RXRA: variants seen among roughly 807,000 people sequenced by gnomAD.
RXRA encodes retinoic acid receptor RXR-alpha.
In RXRA, 5 loss-of-function variants were observed where a neutral mutation model predicts 44.5. The ratio of observed to expected loss-of-function variants is 0.11; its 90% CI spans 0.06 to 0.24. The LOEUF is 0.24. Among genes scored for constraint, RXRA ranks in the 10% least tolerant of loss-of-function variants. RXRA has a pLI of 1.00. For missense variants in RXRA, 412 were observed against 646.5 expected (o/e 0.64, Z 3.93); for synonymous variants, 291 against 271.4 (o/e 1.07, Z -0.71).
intron 1 of RXRA, among the ~76,000 whole-genome samples, chr9:134,390,495 GGCCTGTGGC>G (rs567595391): frequency 1.3e-5 from 2 of 152,190 alleles, no homozygotes; most frequent in Non-Finnish European, 1.5e-5. Context: ...CAGCCTGTGG[GGCCTGTGGC>G]GCCTGTGGCC....
intron 1 of RXRA, among the ~76,000 whole-genome samples, chr9:134,397,926 G>T (rs1245255678): frequency 2.6e-5 from 4 of 152,344 alleles, no homozygotes; most frequent in East Asian, 1.9e-4. Context: ...ACGGAAGTCA[G>T]TGAAGACCAG....
chr9:134,369,013 T>G (rs375860958), intron 1 of RXRA, among the ~76,000 whole-genome samples: 492 of 26,304 alleles, frequency 0.019, no homozygotes, highest in African/African-American at 0.053. Flanking sequence ...TGTGTGTGTG[T>G]GGGGGGGGTT....
chr9:134,375,247 G>T (rs887039672), intron 1 of RXRA, among the ~76,000 whole-genome samples: 1 of 152,212 alleles, frequency 6.6e-6, no homozygotes, highest in South Asian at 2.1e-4. Context: ...CCCAAGGCTG[G>T]GGGTGGAGAG....
chr9:134,402,758 C>G (rs941522708), intron 2 of RXRA: 20 of 152,100 alleles, frequency 1.3e-4, no homozygotes, highest in African/African-American at 4.8e-4. Context: ...GCCGGAACCT[C>G]CCAGACTCCC....
At chr9:134,384,669 C>T (rs1361983380) in intron 1 of RXRA, among the ~76,000 whole-genome samples, 2 of 152,158 alleles carry the variant, frequency 1.3e-5, no homozygotes, top group African/African-American at 4.8e-5. Flanking sequence ...TGCGGTGGGG[C>T]TGTACTGGGC....
Position 134,437,713 on chromosome 9 carries a change from C to T in RXRA, c.*1099C>T, listed in dbSNP as rs35564253. ...GCGGCCTGGAGTGGCTCTGCCGGGGCATTGGTGGGACCCCTGCTCAGGCCT... is the reference window on the plus strand; with the variant it reads ...GCGGCCTGGAGTGGCTCTGCCGGGGTATTGGTGGGACCCCTGCTCAGGCCT... On this transcript the variant is annotated 3_prime_UTR_variant, in exon 10 of 10. Coordinates refer to ENST00000481739, the MANE Select transcript of RXRA (RefSeq NM_002957.6). 1,979 of 152,348 alleles carry T rather than the reference C, an allele frequency of 0.013. 48 individuals carry two copies. The highest frequency in any genetic ancestry group is 0.046 in the African/African-American group (1,894 of 41,528). The allele number at this position is 152,348 out of a possible 1,614,324, so 9.4% of individuals were successfully genotyped here.
intron 1 of RXRA, among the ~76,000 whole-genome samples, chr9:134,345,249 C>T (rs544666533): frequency 6.6e-6 from 1 of 152,332 alleles, no homozygotes; most frequent in African/African-American, 2.4e-5. Flanking sequence ...GGTATTTGCA[C>T]AGCCCACGGC....
intron 1 of RXRA, among the ~76,000 whole-genome samples, chr9:134,396,993 G>A (rs1353575001): frequency 1.3e-5 from 2 of 152,232 alleles, no homozygotes; most frequent in Non-Finnish European, 2.9e-5. Flanking sequence ...ACCACAGTCA[G>A]ACTGGCATTT....
chr9:134,338,884 C>T (rs1181366073), intron 1 of RXRA, among the ~76,000 whole-genome samples: 1 of 152,214 alleles, frequency 6.6e-6, no homozygotes, highest in African/African-American at 2.4e-5. Flanking sequence ...TGGAGACAGC[C>T]GCCGTTCTGC....
intron 1 of RXRA, among the ~76,000 whole-genome samples, chr9:134,347,688 C>T (rs1459682300): frequency 1.3e-5 from 2 of 152,094 alleles, no homozygotes; most frequent in African/African-American, 2.4e-5. Flanking sequence ...AAGGAGCAGC[C>T]GGTGGGGAGG....
chr9:134,388,962 C>T (rs1049818098), intron 1 of RXRA, among the ~76,000 whole-genome samples: 8 of 152,186 alleles, frequency 5.3e-5, no homozygotes, highest in African/African-American at 1.7e-4. Flanking sequence ...TCCTCTCCTT[C>T]GTGCTGGATG....
At chr9:134,430,128 C>T (rs920934668) in intron 7 of RXRA, among the ~76,000 whole-genome samples, 4 of 152,182 alleles carry the variant, frequency 2.6e-5, no homozygotes, top group South Asian at 2.1e-4. Flanking sequence ...CCTCGTGATC[C>T]GCCCACCTCG....
At chr9:134,413,070 G>A (rs535852651) in intron 4 of RXRA, among the ~76,000 whole-genome samples, 41 of 152,238 alleles carry the variant, frequency 2.7e-4, no homozygotes, top group African/African-American at 9.4e-4. Context: ...AGGGAGCCCC[G>A]GCTGGGCTCG....
At chr9:134,380,463 C>T (rs1830626749) in intron 1 of RXRA, among the ~76,000 whole-genome samples, 1 of 149,894 alleles carries the variant, frequency 6.7e-6, no homozygotes, top group Non-Finnish European at 1.5e-5. Flanking sequence ...CCAGTGGTTG[C>T]AAGGAGCAGA....
At chr9:134,395,855 G>A (rs970013139) in intron 1 of RXRA, among the ~76,000 whole-genome samples, 8 of 152,262 alleles carry the variant, frequency 5.3e-5, no homozygotes, top group African/African-American at 1.9e-4. Flanking sequence ...GTTGGTTGGG[G>A]AAAGGGCAGG....
intron 5 of RXRA, among the ~76,000 whole-genome samples, chr9:134,419,322 A>G (rs778922434): frequency 3.3e-5 from 5 of 152,222 alleles, no homozygotes; most frequent in Admixed American, 6.5e-5. Context: ...TTGGGGGGGA[A>G]TCTGCCATCT....
At chr9:134,332,520 A>AGGAGGGGTGGG (rs1835021120) in intron 1 of RXRA, among the ~76,000 whole-genome samples, 1 of 116,030 alleles carries the variant, frequency 8.6e-6, no homozygotes, top group Non-Finnish European at 1.8e-5. Context: ...CTGCCTGTGG[A>AGGAGGGGTGGG]GGAGGGGTGG....
At chr9:134,392,902 A>T (rs531465593) in intron 1 of RXRA, among the ~76,000 whole-genome samples, 1 of 151,752 alleles carries the variant, frequency 6.6e-6, no homozygotes, top group Admixed American at 6.6e-5. Flanking sequence ...GCACTCTGGG[A>T]TGGGGCTCCG....
chr9:134,428,308 C>G (rs1011763325), intron 6 of RXRA, among the ~76,000 whole-genome samples: 16 of 144,562 alleles, frequency 1.1e-4, no homozygotes, highest in African/African-American at 3.6e-4. Flanking sequence ...CTGCTGTTAC[C>G]TAACTGTCCC....
Sources: allele counts gnomAD v4.1 joint callset (sites outside exome capture counted in the v4.1 genomes callset), GRCh38; gene constraint gnomAD v4.1.1; transcripts MANE v1.5; gene names NCBI Gene and HGNC (gene_info 2026-07-23, HGNC 2026-07-21).